TRPS1: variants seen among roughly 807,000 people sequenced by gnomAD.
The protein encoded by TRPS1 is zinc finger transcription factor Trps1.
TRPS1 carries 6 observed loss-of-function variants against 101.2 expected under a neutral mutation model. That is an observed-to-expected ratio of 0.06 (90% CI 0.03 to 0.12). The LOEUF is 0.12. Among genes scored for constraint, TRPS1 ranks in the 10% least tolerant of loss-of-function variants. The pLI, the probability that TRPS1 is intolerant of heterozygous loss-of-function variation, is 1.00. For missense variants in TRPS1, 1,363 were observed against 1,567.0 expected, an observed-to-expected ratio of 0.87 and a Z score of 2.20; for synonymous variants, 578 against 589.8, an observed-to-expected ratio of 0.98 and a Z score of 0.29.
In TRPS1 at chr8:115,555,736, T is replaced by C. The variant is rs560479370; in HGVS notation, c.2700+31265A>G. On this transcript the variant is annotated intron_variant, in intron 5 of 6. Transcript: ENST00000395715. ...AATTTTAAAGACTAGCAGGGCACAG[T>C]GGCTCACGCCTGTAATCTCAGCTCT... Among the ~76,000 whole-genome samples, 25 of 152,272 alleles carry C rather than the reference T, an allele frequency of 1.6e-4. No individual in the cohort carries two copies. In the South Asian group the frequency reaches 5.2e-3, roughly 32 times the overall value.
In TRPS1 at chr8:115,552,716, A is replaced by G. The variant is rs1586394952; in HGVS notation, c.2700+34285T>C. On this transcript the variant is annotated intron_variant, in intron 5 of 6. Transcript: ENST00000395715. ...ACTGTACCATATTTGAGCTATATCA[A>G]TAACACTCTTCTTATAATTTTTGTA... Among the ~76,000 whole-genome samples, 5 of 152,204 alleles carry G rather than the reference A, an allele frequency of 3.3e-5. No homozygotes were observed. In the South Asian group the frequency reaches 1.0e-3, roughly 31 times the overall value.
Position 115,619,849 on chromosome 8 carries a change from G to T in TRPS1, c.249C>A (p.Ser83Arg). 1 of 1,614,158 alleles carries T rather than the reference G, an allele frequency of 6.2e-7. No homozygotes were observed. Among genetic ancestry groups the T allele is most frequent in the South Asian group, 1.1e-5 (1 of 91,082 alleles). The change falls in exon 3 of 7, where the codon AGC becomes AGA. Residue 83 changes from serine to arginine, a missense_variant. Physicochemically the swap from Ser to Arg is moderately radical, Grantham distance 110. This residue lies in a region of TRPS1 where 1,020 missense variants were observed against 1,073.0 expected (regional missense o/e 0.95). Transcript: ENST00000395715. ...CTGCGCTTTTCAAGTCCTTCTTACT[G>T]CTAGAAGATGGATCTTGAACATGCA... The part of the protein sequence containing the change: ...HSLHVQDPSS[S>R]SKKDLKSAVL...
At chr8:115,442,348 G>A (rs1813619507) in intron 5 of TRPS1, among the ~76,000 whole-genome samples, 1 of 152,078 alleles carries the variant, frequency 6.6e-6, no homozygotes, top group African/African-American at 2.4e-5. Context: ...TTTGCTTGCA[G>A]GAATATGGAA....
chr8:115,608,399 T>C (rs2130503444), intron 3 of TRPS1, among the ~76,000 whole-genome samples: 1 of 152,342 alleles, frequency 6.6e-6, no homozygotes, highest in South Asian at 2.1e-4. Context: ...ATTAGGCATA[T>C]AATATTGAAG....
chr8:115,432,762 T>C (rs1185953154), intron 5 of TRPS1, among the ~76,000 whole-genome samples: 1 of 152,008 alleles, frequency 6.6e-6, no homozygotes, highest in African/African-American at 2.4e-5. Flanking sequence ...AGTTTACAAA[T>C]TTCAGAAAAT....
intron 5 of TRPS1, among the ~76,000 whole-genome samples, chr8:115,444,889 C>T (rs928058172): frequency 1.3e-5 from 2 of 152,154 alleles, no homozygotes; most frequent in African/African-American, 4.8e-5. Flanking sequence ...GGGGATAGCT[C>T]CTTGCACTTG....
chr8:115,622,556 G>A (rs1163056641), intron 2 of TRPS1, among the ~76,000 whole-genome samples: 1 of 152,042 alleles, frequency 6.6e-6, no homozygotes, highest in East Asian at 1.9e-4. Context: ...TTTCCCTCCA[G>A]AATTTCCTGA....
chr8:115,606,823 A>G (rs1818048873), intron 3 of TRPS1, among the ~76,000 whole-genome samples: 1 of 150,752 alleles, frequency 6.6e-6, no homozygotes, highest in African/African-American at 2.5e-5. Flanking sequence ...AAAAAAAAAA[A>G]AAAAATACAT....
At chr8:115,594,887 G>GT (rs1224183105) in intron 4 of TRPS1, among the ~76,000 whole-genome samples, 4 of 151,254 alleles carry the variant, frequency 2.6e-5, no homozygotes, top group African/African-American at 7.3e-5. Context: ...GGGATGCCTT[G>GT]TTTTTTTTCT....
chr8:115,527,488 T>C (rs1158628804), intron 5 of TRPS1, among the ~76,000 whole-genome samples: 1 of 151,898 alleles, frequency 6.6e-6, no homozygotes, highest in Non-Finnish European at 1.5e-5. Flanking sequence ...ACATCTTTCA[T>C]ACTGAGTTCA....
intron 3 of TRPS1, among the ~76,000 whole-genome samples, chr8:115,616,993 T>G (rs2130525750): frequency 6.6e-6 from 1 of 152,312 alleles, no homozygotes; most frequent in East Asian, 1.9e-4. Flanking sequence ...TTACTTATCT[T>G]CAGACATTTT....
At chr8:115,427,157 A>G (rs1159079281) in intron 5 of TRPS1, among the ~76,000 whole-genome samples, 1 of 151,592 alleles carries the variant, frequency 6.6e-6, no homozygotes, top group East Asian at 1.9e-4. Flanking sequence ...TGCATCTATA[A>G]TCTGAGCTAC....
intron 1 of TRPS1, chr8:115,637,364 T>C: frequency 2.1e-6 from 2 of 935,294 alleles, no homozygotes; most frequent in African/African-American, 1.8e-5. Context: ...CTAAACTAGA[T>C]GTGGTGTGAC....
At chr8:115,464,372 A>G (rs2129987178) in intron 5 of TRPS1, among the ~76,000 whole-genome samples, 1 of 152,248 alleles carries the variant, frequency 6.6e-6, no homozygotes, top group East Asian at 1.9e-4. Context: ...TTATTCCTGG[A>G]TAGAATTCAG....
chr8:115,666,046 T>C (rs1443526923), intron 1 of TRPS1, among the ~76,000 whole-genome samples: 2 of 152,198 alleles, frequency 1.3e-5, no homozygotes, highest in South Asian at 2.1e-4. Flanking sequence ...AGTTATAATG[T>C]TGGTATTAAG....
intron 4 of TRPS1, among the ~76,000 whole-genome samples, chr8:115,593,550 T>A (rs1166456412): frequency 6.6e-6 from 1 of 152,198 alleles, no homozygotes; most frequent in South Asian, 2.1e-4. Flanking sequence ...CAATAATAAC[T>A]GACAAGATCT....
At chr8:115,628,679 AC>A (rs1274089740) in intron 1 of TRPS1, among the ~76,000 whole-genome samples, 3 of 151,702 alleles carry the variant, frequency 2.0e-5, no homozygotes, top group East Asian at 1.9e-4. Context: ...AACTATAAGA[AC>A]CTTTTCTGAA....
At chr8:115,517,630 A>C (rs553224103) in intron 5 of TRPS1, among the ~76,000 whole-genome samples, 1 of 151,764 alleles carries the variant, frequency 6.6e-6, no homozygotes, top group Non-Finnish European at 1.5e-5. Context: ...TAATGTTATG[A>C]TATACTAAAA....
At chr8:115,566,987 G>A (rs1817083156) in intron 5 of TRPS1, among the ~76,000 whole-genome samples, 1 of 152,060 alleles carries the variant, frequency 6.6e-6, no homozygotes, top group South Asian at 2.1e-4. Flanking sequence ...TAGCATTTAT[G>A]TCTCTGCTTT....
Sources: allele counts gnomAD v4.1 joint callset (sites outside exome capture counted in the v4.1 genomes callset), GRCh38; gene constraint gnomAD v4.1.1; regional missense constraint gnomAD v4.1.1; transcripts MANE v1.5; gene names NCBI Gene and HGNC (gene_info 2026-07-23, HGNC 2026-07-21).